The following GPNMB variants were observed in gnomAD, a reference collection of about 807,000 sequenced individuals.
GPNMB encodes the protein transmembrane glycoprotein NMB.
In GPNMB, 71 loss-of-function variants were observed where a neutral mutation model predicts 57.3. The ratio of observed to expected loss-of-function variants is 1.24; its 90% CI spans 1.02 to 1.51. The LOEUF is 1.51. Ranked by LOEUF, GPNMB falls within the 40% of genes most tolerant of loss-of-function variation. The pLI is 0.00. For synonymous variants in GPNMB, 253 were observed against 263.2 expected (o/e 0.96, Z 0.38); for missense variants, 677 against 691.9 (o/e 0.98, Z 0.24).
At chr7:23,263,726 C>T (rs1782987279) in intron 6 of GPNMB, among the ~76,000 whole-genome samples, 2 of 151,920 alleles carry the variant, frequency 1.3e-5, no homozygotes, top group Admixed American at 1.3e-4. Flanking sequence ...TCATAATCAA[C>T]CCCAAAATGC....
At chr7:23,262,070 A>G (rs1384336849) in intron 6 of GPNMB, among the ~76,000 whole-genome samples, 1 of 152,074 alleles carries the variant, frequency 6.6e-6, no homozygotes, top group South Asian at 2.1e-4. Context: ...ACGGTCCATC[A>G]TGACGTCTGG....
chr7:23,267,950 A>G lies in GPNMB; in HGVS notation c.1182A>G (p.Glu394=). 6.2e-7 allele frequency: 1 copy of G among 1,613,696 alleles called. No homozygotes were observed. The highest frequency in any genetic ancestry group is 1.1e-5 in the South Asian group (1 of 91,072). The change falls in exon 8 of 11, where the codon GAA becomes GAG. Residue 394 remains glutamate (E), a synonymous_variant. Transcript: ENST00000258733. ...TDVLMPVPWP[E]SSLIDFVVTC... ...TCCTGATGCCGGTGCCATGGCCTGA[A>G]AGCTCCCTAATAGACTTTGTCGTGA...
chr7:23,256,204 C>A (rs1782774694), intron 3 of GPNMB, among the ~76,000 whole-genome samples: 1 of 152,176 alleles, frequency 6.6e-6, no homozygotes, highest in Non-Finnish European at 1.5e-5. Context: ...CTGCACCCAG[C>A]CTAAATCTTT....
chr7:23,274,047 C>G lies in GPNMB; in HGVS notation c.1524-18C>G, dbSNP rs1309722439. On this transcript the variant is annotated intron_variant, in intron 10 of 10. Transcript: ENST00000258733. The stretch of plus-strand genomic sequence containing the variant: ...CTGAAGATCTTTTAAAAATAACTAA[C>G]CAACAGATTGTTTTCAGAAAACACA... The G allele has an allele frequency of 6.3e-7, 1 of 1,577,746 alleles. No homozygotes were observed. Among genetic ancestry groups the G allele is most frequent in the East Asian group, 2.2e-5 (1 of 44,596 alleles).
At chr7:23,259,418 G>A (rs941820945) in intron 4 of GPNMB, among the ~76,000 whole-genome samples, 1 of 152,000 alleles carries the variant, frequency 6.6e-6, no homozygotes, top group Admixed American at 6.6e-5. Context: ...TCCTGACCTC[G>A]TGATCCGCCT....
chr7:23,260,229 T>G (rs947658845), intron 5 of GPNMB, 91 bp downstream of exon 5: 8 of 1,330,184 alleles, frequency 6.0e-6, no homozygotes, highest in African/African-American at 2.9e-5. Flanking sequence ...TGTTCGGGGT[T>G]AGGTTACAAT....
Position 23,270,086 on chromosome 7 carries a change from A to T in GPNMB, c.1340A>T (p.Asn447Ile). ...CTGCTGACTGTGAGACGAACCTTCA[A>T]TGGGTCTGGGACGTACTGTGTGAAC... ...MCLLTVRRTF[N>I]GSGTYCVNLT... Residue 447 changes from asparagine to isoleucine, a missense_variant, in exon 9 of 11, where the codon AAT (asparagine) becomes ATT (isoleucine). By Grantham distance (149) the Asn-to-Ile change is moderately radical. Coordinates refer to ENST00000258733, the MANE Select transcript of GPNMB (RefSeq NM_002510.3). 1 of 1,614,030 alleles carries T rather than the reference A, an allele frequency of 6.2e-7. No individual in the cohort carries two copies. The highest frequency in any genetic ancestry group is 1.6e-4 in the Middle Eastern group (1 of 6,062).
At chr7:23,274,019 C>T (rs1230324063) in intron 10 of GPNMB, 46 bp from the exon 11 acceptor site, 1 of 1,438,888 alleles carries the variant, frequency 6.9e-7, no homozygotes, top group South Asian at 1.2e-5. Context: ...TTGTATATTT[C>T]AACTGAAGAT....
At chr7:23,256,808 A>G in intron 3 of GPNMB, 84 bp from the exon 4 acceptor site, 2 of 1,130,208 alleles carry the variant, frequency 1.8e-6, no homozygotes, top group Non-Finnish European at 2.6e-6. Context: ...AAAAAATACG[A>G]AAAAGTGTTT....
At chr7:23,257,141 A>G in intron 4 of GPNMB, 76 bp downstream of exon 4, 1 of 1,228,008 alleles carries the variant, frequency 8.1e-7, no homozygotes, top group Non-Finnish European at 1.2e-6. Context: ...TTACTCTATA[A>G]TTGAGAATGA....
intron 8 of GPNMB, 57 bp downstream of exon 8, chr7:23,268,045 G>T: frequency 9.6e-7 from 1 of 1,039,954 alleles, no homozygotes; most frequent in South Asian, 1.3e-5. Flanking sequence ...CCTCAAGTCT[G>T]AACAAAGGCA....
intron 2 of GPNMB, 82 bp downstream of exon 2, chr7:23,253,541 C>G: frequency 8.7e-7 from 1 of 1,150,078 alleles, no homozygotes; most frequent in Non-Finnish European, 1.2e-6. Flanking sequence ...TTAGATCACA[C>G]GGCTCACGTC....
At chr7:23,253,529 T>C (rs1329250059) in intron 2 of GPNMB, 70 bp downstream of exon 2, 1 of 1,312,226 alleles carries the variant, frequency 7.6e-7, no homozygotes, top group Non-Finnish European at 1.1e-6. Flanking sequence ...TGGTAAAGCC[T>C]TTTAGATCAC....
intron 6 of GPNMB, among the ~76,000 whole-genome samples, chr7:23,261,097 C>A (rs1782910956): frequency 6.6e-6 from 1 of 152,132 alleles, no homozygotes; most frequent in Non-Finnish European, 1.5e-5. Context: ...GTTTATCTCC[C>A]ATTTTTTATG....
Position 23,260,696 on chromosome 7 carries a change from C to G in GPNMB, c.941C>G (p.Thr314Ser). 6.2e-7 allele frequency: 1 copy of G among 1,610,234 alleles called. No individual in the cohort carries two copies. The highest frequency in any genetic ancestry group is 8.5e-7 in the Non-Finnish European group (1 of 1,177,128). ...VLNGTFSLNL[T>S]VKAAAPGPCP... ...AATGGAACCTTCAGCCTTAACCTCACTGTGAAAGCTGCAGCACCAGGACCT... is the reference window on the plus strand; with the variant it reads ...AATGGAACCTTCAGCCTTAACCTCAGTGTGAAAGCTGCAGCACCAGGACCT... The change falls in exon 6 of 11, where the codon ACT becomes AGT. Residue 314 changes from threonine (T) to serine (S), a missense_variant. Thr to Ser is a moderately conservative substitution (Grantham distance 58). Transcript: ENST00000258733.
At chr7:23,251,168 T>A (rs1782652058) in intron 1 of GPNMB, among the ~76,000 whole-genome samples, 1 of 152,188 alleles carries the variant, frequency 6.6e-6, no homozygotes, top group Non-Finnish European at 1.5e-5. Flanking sequence ...CCGACTTTGC[T>A]GCTCTTTCCC....
intron 6 of GPNMB, among the ~76,000 whole-genome samples, chr7:23,261,715 G>C (rs958296057): frequency 6.6e-6 from 1 of 151,916 alleles, no homozygotes; most frequent in Non-Finnish European, 1.5e-5. Context: ...CACCAACATG[G>C]CACATGTATA....
intron 9 of GPNMB, among the ~76,000 whole-genome samples, chr7:23,270,486 G>A (rs1783176113): frequency 6.6e-6 from 1 of 151,890 alleles, no homozygotes; most frequent in South Asian, 2.1e-4. Flanking sequence ...GTATTTCAAG[G>A]AGAAAGTTTA....
chr7:23,272,782 C>A (rs1283260363), intron 9 of GPNMB, among the ~76,000 whole-genome samples: 5 of 151,772 alleles, frequency 3.3e-5, no homozygotes, highest in African/African-American at 1.2e-4. Context: ...GAAACCAAGA[C>A]AAAGAAGTCC....
Sources: allele counts gnomAD v4.1 joint callset (sites outside exome capture counted in the v4.1 genomes callset), GRCh38; gene constraint gnomAD v4.1.1; transcripts MANE v1.5; gene names NCBI Gene and HGNC (gene_info 2026-07-23, HGNC 2026-07-21).